Variants in PIK3C2G observed in about 807,000 individuals in gnomAD.
The protein encoded by PIK3C2G is phosphatidylinositol-4-phosphate 3-kinase catalytic subunit type 2 gamma.
Under a neutral mutation model 181.1 loss-of-function variants are expected in PIK3C2G, and 168 were observed. That is an observed-to-expected ratio of 0.93 (90% confidence interval 0.82 to 1.05). The LOEUF is 1.05. Among genes scored for constraint, PIK3C2G ranks in the 50% least tolerant of loss-of-function variants. The pLI, the probability that PIK3C2G is intolerant of heterozygous loss-of-function variation, is 0.00. For synonymous variants in PIK3C2G, 573 were observed against 592.2 expected (o/e 0.97, Z 0.47); for missense variants, 1,869 against 1,732.8 (o/e 1.08, Z -1.40).
chr12:18,696,350 A>ATATATATATATATATATATATC, the PIK3C2G span: 1 of 247,368 alleles, frequency 4.0e-6, no homozygotes, highest in Non-Finnish European at 6.9e-6. Flanking sequence ...ATATATATAT[A>ATATATATATATATATATATATC]TCATATAATT....
intron 24 of PIK3C2G, among the ~76,000 whole-genome samples, chr12:18,507,941 T>C (rs1295521519): frequency 2.0e-5 from 3 of 152,312 alleles, no homozygotes; most frequent in South Asian, 2.1e-4. Flanking sequence ...CTTCTAGAGT[T>C]TGGCAATTTT....
chr12:18,695,787 A>C, the PIK3C2G span, among the ~76,000 whole-genome samples: 8 of 152,170 alleles, frequency 5.3e-5, no homozygotes, highest in Non-Finnish European at 1.0e-4. Flanking sequence ...GCTCATGTAA[A>C]GTATAAATGA....
At chr12:18,408,305 A>G (rs1311353961) in intron 16 of PIK3C2G, among the ~76,000 whole-genome samples, 1 of 152,190 alleles carries the variant, frequency 6.6e-6, no homozygotes, top group Non-Finnish European at 1.5e-5. Flanking sequence ...TCCCAACACC[A>G]TTTATTAAAT....
chr12:18,288,931 T>G (rs1009381477), intron 3 of PIK3C2G, among the ~76,000 whole-genome samples: 1 of 152,204 alleles, frequency 6.6e-6, no homozygotes, highest in Non-Finnish European at 1.5e-5. Context: ...ATAATTTTTC[T>G]AAATAGTTTA....
intron 31 of PIK3C2G, among the ~76,000 whole-genome samples, chr12:18,621,219 C>T (rs1272537481): frequency 6.6e-6 from 1 of 150,498 alleles, no homozygotes; most frequent in African/African-American, 2.4e-5. Context: ...AAACAAAAAA[C>T]AGAAAAGAAA....
the PIK3C2G span, chr12:18,693,285 C>T: frequency 3.3e-6 from 5 of 1,523,792 alleles, no homozygotes. Flanking sequence ...CATGGATCCC[C>T]TGGTCACAGT....
Position 18,339,191 on chromosome 12 carries a change from C to T in PIK3C2G, c.1395+643C>T, listed in dbSNP as rs142406272. ...TGATTATTTTCCAAGAAAAATATTA[C>T]GACATCTGGTTACAATAAATTCATT... On this transcript the variant is annotated intron_variant, in intron 9 of 32. Transcript: ENST00000538779. 2.3e-3 allele frequency among the ~76,000 whole-genome samples: 342 copies of T among 151,966 alleles called. 1 individual carries two copies. The highest frequency in any genetic ancestry group is 4.6e-3 in the African/African-American group (189 of 41,472).
At chr12:18,274,829 T>A (rs1280903087) in intron 1 of PIK3C2G, among the ~76,000 whole-genome samples, 4 of 152,100 alleles carry the variant, frequency 2.6e-5, no homozygotes, top group Non-Finnish European at 4.4e-5. Context: ...CCTACATTAT[T>A]TTCATGTCCT....
At chr12:18,507,276 G>T (rs936410259) in intron 24 of PIK3C2G, among the ~76,000 whole-genome samples, 1 of 152,060 alleles carries the variant, frequency 6.6e-6, no homozygotes, top group Non-Finnish European at 1.5e-5. Context: ...GTGATCTCCT[G>T]CCTCGGCCTC....
intron 29 of PIK3C2G, among the ~76,000 whole-genome samples, 179 bp from the exon 30 acceptor site, chr12:18,594,315 C>T (rs1159591753): frequency 3.3e-5 from 5 of 152,026 alleles, no homozygotes; most frequent in Non-Finnish European, 4.4e-5. Context: ...TTTAGTTTAA[C>T]TTAATGGTAA....
rs1178231798 is a variant in PIK3C2G, at chr12:18,461,125, G to A, written c.2505-27324G>A. 2.0e-5 allele frequency among the ~76,000 whole-genome samples: 3 copies of A among 151,952 alleles called. No homozygotes were observed. In the East Asian group the frequency reaches 5.8e-4, roughly 29 times the overall value. ...GTATTTTATATATATAGTGAAAAAGGTGCATTATAGATATTGTGATATACC... is the reference window on the plus strand; with the variant it reads ...GTATTTTATATATATAGTGAAAAAGATGCATTATAGATATTGTGATATACC... On this transcript the variant is annotated intron_variant, in intron 18 of 32. Coordinates refer to ENST00000538779, the MANE Select transcript of PIK3C2G (RefSeq NM_001288772.2).
At chr12:18,451,964 T>C (rs1947388514) in intron 18 of PIK3C2G, among the ~76,000 whole-genome samples, 3 of 152,178 alleles carry the variant, frequency 2.0e-5, no homozygotes. Flanking sequence ...GCTGCTGGAT[T>C]TGGTTTGCCA....
At chr12:18,448,975 T>C (rs1373771862) in intron 18 of PIK3C2G, among the ~76,000 whole-genome samples, 1 of 152,048 alleles carries the variant, frequency 6.6e-6, no homozygotes, top group Non-Finnish European at 1.5e-5. Context: ...TACGAGGGGT[T>C]GACTTTATTT....
At chr12:18,443,630 A>G (rs1014649482) in intron 18 of PIK3C2G, among the ~76,000 whole-genome samples, 1 of 152,196 alleles carries the variant, frequency 6.6e-6, no homozygotes, top group Non-Finnish European at 1.5e-5. Flanking sequence ...TTTTGGTTAA[A>G]AAAACAAAGA....
At chr12:18,540,379 A>G (rs951998766) in intron 25 of PIK3C2G, among the ~76,000 whole-genome samples, 1 of 151,950 alleles carries the variant, frequency 6.6e-6, no homozygotes, top group Non-Finnish European at 1.5e-5. Flanking sequence ...CACAAATATA[A>G]GTTATGCTGT....
chr12:18,636,904 C>T (rs1276671596), intron 31 of PIK3C2G, among the ~76,000 whole-genome samples: 18 of 152,140 alleles, frequency 1.2e-4, no homozygotes. Flanking sequence ...GCCCTCACTT[C>T]ACAGGTCAGG....
chr12:18,359,575 T>C (rs751324237), intron 11 of PIK3C2G, among the ~76,000 whole-genome samples: 2 of 152,218 alleles, frequency 1.3e-5, no homozygotes, highest in South Asian at 2.1e-4. Context: ...TTCAGCTCTG[T>C]CAATGTTTGC....
At chr12:18,399,080 A>C (rs1317291124) in intron 15 of PIK3C2G, among the ~76,000 whole-genome samples, 12 of 149,684 alleles carry the variant, frequency 8.0e-5, no homozygotes, top group Admixed American at 8.0e-4. Context: ...CTGTAGTCCC[A>C]GCTACTTGGG....
At chr12:18,540,756 A>G (rs1944109856) in intron 25 of PIK3C2G, among the ~76,000 whole-genome samples, 1 of 151,950 alleles carries the variant, frequency 6.6e-6, no homozygotes, top group Non-Finnish European at 1.5e-5. Flanking sequence ...GCACTAATCC[A>G]GAGTAAACAT....
Sources: gnomAD v4.1 joint callset for allele counts (sites outside exome capture counted in the v4.1 genomes callset) on GRCh38, gnomAD v4.1.1 for gene constraint, MANE v1.5 for transcripts, NCBI Gene and HGNC (gene_info 2026-07-23, HGNC 2026-07-21) for gene names.